Variants in OTUD7A observed in about 807,000 individuals in gnomAD.
OTUD7A encodes OTU domain-containing protein 7A.
Under a neutral mutation model 65.7 loss-of-function variants are expected in OTUD7A, and 12 were observed. The ratio of observed to expected loss-of-function variants is 0.18; its 90% CI spans 0.12 to 0.30. OTUD7A has a LOEUF of 0.30. Ranked by LOEUF, OTUD7A falls within the 10% of genes least tolerant of loss-of-function variation. The probability of loss-of-function intolerance (pLI) is 1.00; values close to 1 mark genes in which losing one functional copy is unlikely to be tolerated. For missense variants in OTUD7A, 1,148 were observed against 1,304.8 expected (o/e 0.88, Z 1.85); for synonymous variants, 641 against 586.3 (o/e 1.09, Z -1.35).
Position 31,583,656 on chromosome 15 carries a change from C to T in OTUD7A, c.152-13459G>A, listed in dbSNP as rs535325463. 8.2e-4 allele frequency among the ~76,000 whole-genome samples: 125 copies of T among 151,966 alleles called. No individual in the cohort carries two copies. In the South Asian group the frequency reaches 0.013, roughly 16 times the overall value. On this transcript the variant is annotated intron_variant, in intron 3 of 12. Coordinates refer to ENST00000307050, the MANE Select transcript of OTUD7A (RefSeq NM_001382637.1). ...CCACCATGTAAGACATGACTTTTGC[C>T]TTCCACCATGATTGTGAGGCCTCCC...
chr15:31,751,308 T>A (rs1049848778), intron 1 of OTUD7A, among the ~76,000 whole-genome samples: 5 of 152,032 alleles, frequency 3.3e-5, no homozygotes, highest in Non-Finnish European at 7.4e-5. Flanking sequence ...AACAAACATA[T>A]GAAAAACTGC....
At chr15:31,823,407 T>G (rs1896732346) in intron 1 of OTUD7A, among the ~76,000 whole-genome samples, 1 of 152,240 alleles carries the variant, frequency 6.6e-6, no homozygotes, top group South Asian at 2.1e-4. Flanking sequence ...CTAACTTATG[T>G]ATTTGATTGT....
At chr15:31,592,498 G>A (rs1889756453) in intron 3 of OTUD7A, among the ~76,000 whole-genome samples, 1 of 152,042 alleles carries the variant, frequency 6.6e-6, no homozygotes, top group African/African-American at 2.4e-5. Context: ...GCAGTGACAT[G>A]CATGGAGCTG....
intron 5 of OTUD7A, among the ~76,000 whole-genome samples, chr15:31,537,322 A>G (rs1480829721): frequency 6.6e-6 from 1 of 152,252 alleles, no homozygotes; most frequent in Admixed American, 6.5e-5. Context: ...TACTGATAAA[A>G]AATAACTGCG....
chr15:31,753,612 G>A (rs1894699800), intron 1 of OTUD7A, among the ~76,000 whole-genome samples: 1 of 148,514 alleles, frequency 6.7e-6, no homozygotes, highest in Non-Finnish European at 1.5e-5. Flanking sequence ...CATCCAGGTT[G>A]CTGCAAATGC....
chr15:31,512,222 GT>G (rs374620227), intron 8 of OTUD7A, among the ~76,000 whole-genome samples: 24 of 147,120 alleles, frequency 1.6e-4, no homozygotes, highest in Middle Eastern at 7.2e-3. Context: ...GTGAGGAATT[GT>G]TTTTTTTTTG....
At chr15:31,693,312 G>A (rs1377823649) in intron 1 of OTUD7A, among the ~76,000 whole-genome samples, 2 of 152,210 alleles carry the variant, frequency 1.3e-5, no homozygotes, top group East Asian at 3.8e-4. Context: ...TAAAGATCTG[G>A]AAGGCTGAAG....
In OTUD7A at chr15:31,870,555, C is replaced by G. The variant is rs951386266; in HGVS notation, c.-148G>C. The G allele has an allele frequency of 5.4e-5, 8 of 148,432 alleles. No homozygotes were observed. Among genetic ancestry groups the G allele is most frequent in the Non-Finnish European group, 1.2e-4 (8 of 66,666 alleles). The allele number at this position is 148,432 out of a possible 1,614,324, so 9.2% of individuals were successfully genotyped here. On this transcript the variant is annotated 5_prime_UTR_variant, in exon 1 of 13. Coordinates refer to ENST00000307050, the MANE Select transcript of OTUD7A (RefSeq NM_001382637.1). ...CCGCCAGCCCGCAGCGCCGCAGTCG[C>G]CGCTACCCGACTTCCATTTTCTCTC...
chr15:31,670,850 C>T (rs957585274), intron 1 of OTUD7A, among the ~76,000 whole-genome samples: 34 of 152,112 alleles, frequency 2.2e-4, no homozygotes, highest in Non-Finnish European at 7.4e-5. Context: ...AAAAAATTAG[C>T]CGGGCGTGGT....
chr15:31,682,281 G>T (rs1462747699), intron 1 of OTUD7A, among the ~76,000 whole-genome samples: 7 of 152,182 alleles, frequency 4.6e-5, no homozygotes, highest in African/African-American at 1.4e-4. Flanking sequence ...TTTATGGATT[G>T]TAAGATATAC....
chr15:31,831,724 G>A (rs1896936167), intron 1 of OTUD7A, among the ~76,000 whole-genome samples: 1 of 152,230 alleles, frequency 6.6e-6, no homozygotes, highest in African/African-American at 2.4e-5. Flanking sequence ...GCTCCAAACT[G>A]GGAAGAGCCC....
intron 1 of OTUD7A, among the ~76,000 whole-genome samples, chr15:31,862,713 A>G (rs574583155): frequency 1.3e-5 from 2 of 152,158 alleles, no homozygotes; most frequent in Non-Finnish European, 2.9e-5. Context: ...GACACAATTC[A>G]AGTTGAGATT....
chr15:31,539,892 G>A (rs1040251358), intron 5 of OTUD7A, among the ~76,000 whole-genome samples: 5 of 152,172 alleles, frequency 3.3e-5, no homozygotes, highest in South Asian at 2.1e-4. Context: ...TGTTCAAGAC[G>A]AAGGAAATGG....
intron 1 of OTUD7A, among the ~76,000 whole-genome samples, chr15:31,730,008 C>CCCCCAG (rs1893997671): frequency 6.6e-6 from 1 of 152,130 alleles, no homozygotes. Flanking sequence ...AAACCCTAGC[C>CCCCCAG]CCCCAGGGTA....
At chr15:31,611,844 CA>C (rs1890432791) in intron 3 of OTUD7A, among the ~76,000 whole-genome samples, 1 of 152,012 alleles carries the variant, frequency 6.6e-6, no homozygotes, top group African/African-American at 2.4e-5. Flanking sequence ...AGGACATAAC[CA>C]AAAAAGAAAA....
chr15:31,552,511 G>T (rs942075042), intron 5 of OTUD7A, among the ~76,000 whole-genome samples: 1 of 152,220 alleles, frequency 6.6e-6, no homozygotes, highest in Non-Finnish European at 1.5e-5. Context: ...TTTACTTGAT[G>T]CTGAGTATGC....
intron 3 of OTUD7A, among the ~76,000 whole-genome samples, chr15:31,612,587 A>C (rs1040277899): frequency 2.0e-5 from 3 of 152,176 alleles, no homozygotes; most frequent in African/African-American, 7.2e-5. Context: ...TACCTAACTG[A>C]GGAGGAGAAA....
intron 1 of OTUD7A, among the ~76,000 whole-genome samples, chr15:31,694,412 TC>T (rs1423382500): frequency 1.3e-5 from 2 of 152,058 alleles, no homozygotes; most frequent in African/African-American, 4.8e-5. Flanking sequence ...CAAGCCCCCT[TC>T]CCCCGGGAAA....
chr15:31,639,564 A>G (rs1891450690), intron 3 of OTUD7A, among the ~76,000 whole-genome samples: 1 of 150,762 alleles, frequency 6.6e-6, no homozygotes. Context: ...CACTAGGTAC[A>G]TGTCTAATTT....
Sources: gnomAD v4.1 joint callset for allele counts (sites outside exome capture counted in the v4.1 genomes callset) on GRCh38, gnomAD v4.1.1 for gene constraint, MANE v1.5 for transcripts, NCBI Gene and HGNC (gene_info 2026-07-23, HGNC 2026-07-21) for gene names.